EGLN1: variants seen among roughly 807,000 people sequenced by gnomAD.
EGLN1 encodes egl nine homolog 1.
In EGLN1, 17 loss-of-function variants were observed where a neutral mutation model predicts 38.3. The observed-to-expected ratio is 0.44, with a 90% CI of 0.30 to 0.67. The LOEUF (loss-of-function observed/expected upper bound fraction) is 0.67, where lower values mean the gene tolerates loss of function less well. Among genes scored for constraint, EGLN1 ranks in the 30% least tolerant of loss-of-function variants. The probability of loss-of-function intolerance (pLI) is 0.08; values close to 1 mark genes in which losing one functional copy is unlikely to be tolerated. For missense variants in EGLN1, 477 were observed against 603.3 expected, an observed-to-expected ratio of 0.79 and a Z score of 2.19; for synonymous variants, 283 against 257.5, an observed-to-expected ratio of 1.10 and a Z score of -0.95.
chr1:231,376,454 G>A (rs1275020732), intron 1 of EGLN1, among the ~76,000 whole-genome samples: 2 of 152,072 alleles, frequency 1.3e-5, no homozygotes, highest in Non-Finnish European at 2.9e-5. Flanking sequence ...TAGCGATGCT[G>A]GCATACTGTT....
intron 1 of EGLN1, among the ~76,000 whole-genome samples, chr1:231,390,581 T>G (rs1346616286): frequency 6.6e-6 from 1 of 152,354 alleles, no homozygotes; most frequent in African/African-American, 2.4e-5. Context: ...TATTCCAGTT[T>G]TGGGCCTCCA....
intron 1 of EGLN1, among the ~76,000 whole-genome samples, chr1:231,401,230 G>A (rs1012095057): frequency 3.9e-5 from 6 of 152,208 alleles, no homozygotes; most frequent in African/African-American, 7.2e-5. Context: ...TTCTAGCTGT[G>A]TGATTTGGAA....
intron 4 of EGLN1, 72 bp from the exon 5 acceptor site, chr1:231,366,547 C>T: frequency 7.1e-7 from 1 of 1,418,134 alleles, no homozygotes; most frequent in East Asian, 2.3e-5. Context: ...CTGCATTCCA[C>T]TGAATTCCTA....
intron 1 of EGLN1, among the ~76,000 whole-genome samples, chr1:231,374,521 A>AT (rs57402041): frequency 0.55 from 80,863 of 146,780 alleles, 23,183 homozygotes; most frequent in Non-Finnish European, 0.65. Context: ...AATGGTACCA[A>AT]TTTTTTTTTT....
chr1:231,373,842 A>G (rs760468636), intron 2 of EGLN1, 138 bp downstream of exon 2: 1 of 922,948 alleles, frequency 1.1e-6, no homozygotes, highest in Non-Finnish European at 1.7e-6. Flanking sequence ...ATCCACTCCT[A>G]ATACCTGAGA....
At chr1:231,398,256 GGAAAGAAA>G (rs886078970) in intron 1 of EGLN1, among the ~76,000 whole-genome samples, 1 of 152,086 alleles carries the variant, frequency 6.6e-6, no homozygotes, top group Non-Finnish European at 1.5e-5. Context: ...TAATTTAAAA[GGAAAGAAA>G]GAAAGAAAGG....
At chr1:231,385,724 G>A (rs953160838) in intron 1 of EGLN1, among the ~76,000 whole-genome samples, 1 of 152,218 alleles carries the variant, frequency 6.6e-6, no homozygotes, top group African/African-American at 2.4e-5. Flanking sequence ...ATTCACTTCG[G>A]TAGGTGACTG....
intron 1 of EGLN1, among the ~76,000 whole-genome samples, chr1:231,374,411 A>G (rs1213321010): frequency 6.6e-6 from 1 of 152,186 alleles, no homozygotes. Flanking sequence ...GTCCTGCTCC[A>G]TGGGAGATTT....
intron 1 of EGLN1, among the ~76,000 whole-genome samples, chr1:231,392,023 C>T (rs983731412): frequency 6.6e-6 from 1 of 152,196 alleles, no homozygotes; most frequent in African/African-American, 2.4e-5. Flanking sequence ...CGCGGTGGCT[C>T]ACGCCTGTAA....
In EGLN1 at chr1:231,366,218, G is replaced by C. The variant is rs895338716; in HGVS notation, c.*193C>G. On this transcript the variant is annotated 3_prime_UTR_variant, in exon 5 of 5. Coordinates refer to ENST00000366641, the MANE Select transcript of EGLN1 (RefSeq NM_022051.3). ...TCCTCCTGTAAGCAATCACAGATTT[G>C]AAGTTGATCATGCAGTACAAAGTCA... The C allele has an allele frequency of 3.2e-6, 2 of 623,156 alleles. No homozygotes were observed. The highest frequency in any genetic ancestry group is 3.7e-5 in the African/African-American group (2 of 54,158). 38.6% of individuals were successfully genotyped at this position (623,156 alleles called of 1,614,324 possible).
chr1:231,391,311 T>TCTAGCAG (rs1371972795), intron 1 of EGLN1, among the ~76,000 whole-genome samples: 5 of 152,178 alleles, frequency 3.3e-5, no homozygotes, highest in Middle Eastern at 6.8e-3. Context: ...TCTAAGACTA[T>TCTAGCAG]ACATCCATAA....
At chr1:231,394,804 C>G (rs1383524050) in intron 1 of EGLN1, among the ~76,000 whole-genome samples, 1 of 152,046 alleles carries the variant, frequency 6.6e-6, no homozygotes, top group African/African-American at 2.4e-5. Flanking sequence ...CTAAATTTAT[C>G]TAAATAAATA....
intron 1 of EGLN1, among the ~76,000 whole-genome samples, chr1:231,409,146 G>T (rs1159447817): frequency 6.7e-6 from 1 of 150,354 alleles, no homozygotes; most frequent in African/African-American, 2.4e-5. Flanking sequence ...ATAAAGGAAA[G>T]TATGTTCTTC....
At chr1:231,375,191 G>T (rs997324087) in intron 1 of EGLN1, among the ~76,000 whole-genome samples, 2 of 152,054 alleles carry the variant, frequency 1.3e-5, no homozygotes, top group African/African-American at 4.8e-5. Flanking sequence ...GAGTAGCTGG[G>T]ATTACAGGTG....
chr1:231,368,720 C>T (rs1436008112), intron 3 of EGLN1, among the ~76,000 whole-genome samples: 1 of 152,094 alleles, frequency 6.6e-6, no homozygotes, highest in African/African-American at 2.4e-5. Flanking sequence ...AGACATACAG[C>T]CAGTAATATG....
At chr1:231,409,119 G>T (rs1488340496) in intron 1 of EGLN1, among the ~76,000 whole-genome samples, 1 of 151,598 alleles carries the variant, frequency 6.6e-6, no homozygotes, top group African/African-American at 2.4e-5. Flanking sequence ...TTTTAAATAA[G>T]CAAAATTTTC....
chr1:231,402,015 G>A (rs112605241), intron 1 of EGLN1, among the ~76,000 whole-genome samples: 4 of 152,262 alleles, frequency 2.6e-5, no homozygotes, highest in African/African-American at 9.6e-5. Flanking sequence ...TCTAGTGTAT[G>A]TATAGTGGCA....
intron 1 of EGLN1, among the ~76,000 whole-genome samples, chr1:231,405,767 C>G (rs866741969): frequency 6.6e-6 from 1 of 151,960 alleles, no homozygotes; most frequent in South Asian, 2.1e-4. Context: ...AGAGTAGGCA[C>G]ACATTAAAGA....
chr1:231,375,928 A>T (rs1331442694), intron 1 of EGLN1, among the ~76,000 whole-genome samples: 1 of 152,202 alleles, frequency 6.6e-6, no homozygotes, highest in Non-Finnish European at 1.5e-5. Context: ...AAAAAAGTTA[A>T]TTTGGGCCTT....
Sources: gnomAD v4.1 joint callset for allele counts (sites outside exome capture counted in the v4.1 genomes callset) on GRCh38, gnomAD v4.1.1 for gene constraint, MANE v1.5 for transcripts, NCBI Gene and HGNC (gene_info 2026-07-23, HGNC 2026-07-21) for gene names.